ZNF516: variants seen among roughly 807,000 people sequenced by gnomAD.
The protein encoded by ZNF516 is zinc finger protein 516.
A neutral mutation model predicts 79.7 loss-of-function variants in ZNF516; 19 were observed. That is an observed-to-expected ratio of 0.24 (90% confidence interval 0.17 to 0.35). The LOEUF (loss-of-function observed/expected upper bound fraction) is 0.35. Among genes scored for constraint, ZNF516 ranks in the 10% least tolerant of loss-of-function variants. The pLI is 1.00. For missense variants in ZNF516, 1,678 were observed against 1,679.5 expected, an observed-to-expected ratio of 1.00 and a Z score of 0.02; for synonymous variants, 877 against 739.5, an observed-to-expected ratio of 1.19 and a Z score of -3.02.
In ZNF516 at chr18:76,359,923, A is replaced by G. The variant is rs1290552794; in HGVS notation, c.*2575T>C. On this transcript the variant is annotated 3_prime_UTR_variant, in exon 7 of 7. Transcript: ENST00000443185. ...CAAATCAACAAATTAACAAACCAAC[A>G]CAATACTGACGATGGGTGGAAGGAA... 1 of 152,262 alleles carries G rather than the reference A, an allele frequency of 6.6e-6. No individual in the cohort carries two copies. The highest frequency in any genetic ancestry group is 1.9e-4 in the East Asian group (1 of 5,198). The allele number at this position is 152,262 out of a possible 1,614,324, so 9.4% of individuals were successfully genotyped here.
chr18:76,395,254 G>A (rs893582419), intron 3 of ZNF516, among the ~76,000 whole-genome samples: 2 of 152,242 alleles, frequency 1.3e-5, no homozygotes, highest in Non-Finnish European at 2.9e-5. Context: ...TGTTTCCCCC[G>A]CAATTCACAA....
At chr18:76,453,211 T>C (rs1473712567) in intron 2 of ZNF516, among the ~76,000 whole-genome samples, 3 of 152,222 alleles carry the variant, frequency 2.0e-5, no homozygotes, top group Admixed American at 1.3e-4. Flanking sequence ...CACAAAGAGC[T>C]GGCGTTAGGG....
intron 1 of ZNF516, among the ~76,000 whole-genome samples, chr18:76,485,757 G>T (rs185981701): frequency 9.2e-5 from 14 of 151,970 alleles, no homozygotes; most frequent in African/African-American, 2.9e-4. Flanking sequence ...ACAAAACACA[G>T]CCTAAGTGAA....
At chr18:76,417,172 G>T (rs1423070027) in intron 3 of ZNF516, among the ~76,000 whole-genome samples, 1 of 152,214 alleles carries the variant, frequency 6.6e-6, no homozygotes, top group African/African-American at 2.4e-5. Context: ...CGATGCCGCA[G>T]CGGCTACTGA....
At chr18:76,430,079 TGGGCCACCTTCTG>T (rs1345177935) in intron 3 of ZNF516, among the ~76,000 whole-genome samples, 2 of 152,174 alleles carry the variant, frequency 1.3e-5, no homozygotes, top group African/African-American at 4.8e-5. Context: ...AGGAACTTCC[TGGGCCACCTTCTG>T]GGGGCACCTT....
intron 1 of ZNF516, chr18:76,491,836 A>G (rs1419518573): frequency 6.6e-6 from 1 of 152,134 alleles, no homozygotes; most frequent in Non-Finnish European, 1.5e-5. Context: ...ATTTAATCCA[A>G]CGACACCTCC....
In ZNF516 at chr18:76,362,228, A is replaced by C. The variant is rs1599122083; in HGVS notation, c.*270T>G. 2 of 396,120 alleles carry C rather than the reference A, an allele frequency of 5.0e-6. No individual in the cohort carries two copies. The highest frequency in any genetic ancestry group is 9.2e-6 in the Non-Finnish European group (2 of 216,936). 24.5% of individuals were successfully genotyped at this position (396,120 alleles called of 1,614,324 possible). ...GTTTATTATAAGAAAATATGGGACT[A>C]TGGACGATGAGCACGTAAATGCGTA... On this transcript the variant is annotated 3_prime_UTR_variant, in exon 7 of 7. Transcript: ENST00000443185.
chr18:76,447,802 G>A (rs774278123), intron 2 of ZNF516, among the ~76,000 whole-genome samples: 33 of 152,246 alleles, frequency 2.2e-4, no homozygotes, highest in Admixed American at 7.2e-4. Flanking sequence ...AGACAAAACC[G>A]TAATTTAATT....
chr18:76,396,319 C>G (rs1195043137), intron 3 of ZNF516, among the ~76,000 whole-genome samples: 3 of 152,178 alleles, frequency 2.0e-5, no homozygotes, highest in African/African-American at 7.2e-5. Context: ...CCAAATGACA[C>G]TGAGGATTTC....
At chr18:76,404,622 TGA>T (rs542578169) in intron 3 of ZNF516, among the ~76,000 whole-genome samples, 116 of 152,334 alleles carry the variant, frequency 7.6e-4, no homozygotes, top group African/African-American at 2.6e-3. Context: ...TTTGTAAGTA[TGA>T]GTGCACCTGT....
intron 3 of ZNF516, among the ~76,000 whole-genome samples, chr18:76,390,845 TG>T (rs2075061948): frequency 6.6e-6 from 1 of 152,168 alleles, no homozygotes; most frequent in South Asian, 2.1e-4. Context: ...ATCCATGACC[TG>T]CCCCTCGGAA....
At chr18:76,494,895 C>T (rs978750022) in intron 1 of ZNF516, among the ~76,000 whole-genome samples, 7 of 150,978 alleles carry the variant, frequency 4.6e-5, no homozygotes, top group Non-Finnish European at 1.0e-4. Flanking sequence ...GGGCGCTCGC[C>T]CCGCCGCCCG....
intron 3 of ZNF516, among the ~76,000 whole-genome samples, chr18:76,437,022 GT>G (rs1294242143): frequency 6.6e-6 from 1 of 151,152 alleles, no homozygotes; most frequent in Admixed American, 6.6e-5. Flanking sequence ...AGCTGAGATT[GT>G]GCCACTGCAC....
intron 6 of ZNF516, among the ~76,000 whole-genome samples, chr18:76,366,910 ATAGATTATATTATC>A (rs1253400604): frequency 1.1e-4 from 16 of 152,188 alleles, no homozygotes; most frequent in Admixed American, 1.0e-3. Context: ...CAATAACCCA[ATAGATTATATTATC>A]TGGGTCTCTC....
At chr18:76,376,582 G>A (rs1449687434) in intron 4 of ZNF516, among the ~76,000 whole-genome samples, 1 of 148,992 alleles carries the variant, frequency 6.7e-6, no homozygotes, top group Non-Finnish European at 1.5e-5. Context: ...TAAAATGTCT[G>A]TAAGAAAAGG....
Position 76,441,925 on chromosome 18 carries a change from G to C in ZNF516, c.1130C>G (p.Ser377Trp). The C allele has an allele frequency of 6.2e-7, 1 of 1,607,208 alleles. No individual in the cohort carries two copies. Among genetic ancestry groups the C allele is most frequent in the Non-Finnish European group, 8.5e-7 (1 of 1,178,542 alleles). ...CTGGAGGAAGAACTGCTTGGTGTCC[G>C]AGGGCCCCTCCGCCCCCTCCTCGGC... ...APAEEGAEGP[S>W]DTKQFFLQCL... The change falls in exon 3 of 7, where the codon TCG becomes TGG. Residue 377 changes from serine (S) to tryptophan (W), a missense_variant. Transcript: ENST00000443185.
At chr18:76,492,276 G>A (rs929435791) in intron 1 of ZNF516, 63 of 985,350 alleles carry the variant, frequency 6.4e-5, no homozygotes, top group Non-Finnish European at 7.5e-5. Flanking sequence ...TTCCCGAGGT[G>A]CGTACTACGC....
chr18:76,383,991 G>A (rs1040604016), intron 3 of ZNF516, among the ~76,000 whole-genome samples: 4 of 152,188 alleles, frequency 2.6e-5, no homozygotes, highest in Non-Finnish European at 4.4e-5. Context: ...CCAAGGTTTC[G>A]TTACAGCCAG....
In ZNF516 at chr18:76,493,988, C is replaced by G. The variant is rs937639169; in HGVS notation, c.-272+1156G>C. On this transcript the variant is annotated intron_variant, in intron 1 of 6. Coordinates refer to ENST00000443185, the MANE Select transcript of ZNF516 (RefSeq NM_014643.4). The surrounding 1 kb of genome is among the most constrained non-coding windows in gnomAD (Gnocchi z 5.2). Reference sequence around the variant, plus strand: ...CTCTTTATCAGCGGAATGAGTAAGACACACACACAGCCCCCAGAGCTCCCG... The same window carrying G: ...CTCTTTATCAGCGGAATGAGTAAGAGACACACACAGCCCCCAGAGCTCCCG... 1 of 152,172 alleles carries G rather than the reference C, an allele frequency of 6.6e-6. No individual in the cohort carries two copies. Among genetic ancestry groups the G allele is most frequent in the Admixed American group, 6.5e-5 (1 of 15,272 alleles). 9.4% of individuals were successfully genotyped at this position (152,172 alleles called of 1,614,324 possible). A position where few individuals can be genotyped will look rare whatever the true frequency, so the allele number is the denominator to read the frequency against.
Sources: allele counts gnomAD v4.1 joint callset (sites outside exome capture counted in the v4.1 genomes callset), GRCh38; gene constraint gnomAD v4.1.1; non-coding constraint Gnocchi (gnomAD v3.1); transcripts MANE v1.5; gene names NCBI Gene and HGNC (gene_info 2026-07-23, HGNC 2026-07-21).